The following CACNA2D1 variants were observed in gnomAD, a reference collection of about 807,000 sequenced individuals.
The protein encoded by CACNA2D1 is calcium voltage-gated channel auxiliary subunit alpha2delta 1.
Under a neutral mutation model 171.5 loss-of-function variants are expected in CACNA2D1, and 53 were observed. The observed-to-expected ratio is 0.31, with a 90% CI of 0.25 to 0.39. The LOEUF is 0.39. Ranked by LOEUF, CACNA2D1 falls within the 10% of genes least tolerant of loss-of-function variation. CACNA2D1 has a pLI of 1.00. For missense variants in CACNA2D1, 903 were observed against 1,299.8 expected (o/e 0.69, Z 4.69); for synonymous variants, 442 against 443.1 (o/e 1.00, Z 0.03).
chr7:82,249,626 T>C (rs1805385603), intron 3 of CACNA2D1, among the ~76,000 whole-genome samples: 1 of 152,222 alleles, frequency 6.6e-6, no homozygotes, highest in South Asian at 2.1e-4. Context: ...AATCATCCTT[T>C]TCATCCGTCC....
At chr7:82,140,503 T>A (rs574563781) in intron 4 of CACNA2D1, among the ~76,000 whole-genome samples, 1 of 152,296 alleles carries the variant, frequency 6.6e-6, no homozygotes, top group South Asian at 2.1e-4. Flanking sequence ...ATACAGGGCA[T>A]CAGGAGTTGG....
chr7:82,162,551 T>G (rs944031506), intron 4 of CACNA2D1, among the ~76,000 whole-genome samples: 3 of 151,860 alleles, frequency 2.0e-5, no homozygotes, highest in African/African-American at 7.3e-5. Context: ...TGTAAACAAA[T>G]CCAGTACAGA....
At chr7:82,184,390 C>T (rs1797456764) in intron 3 of CACNA2D1, among the ~76,000 whole-genome samples, 1 of 151,860 alleles carries the variant, frequency 6.6e-6, no homozygotes, top group South Asian at 2.1e-4. Context: ...AAAAAATATG[C>T]CACCTCTGTT....
chr7:82,317,557 AG>A (rs1026763412), intron 3 of CACNA2D1, among the ~76,000 whole-genome samples: 1 of 152,204 alleles, frequency 6.6e-6, no homozygotes, highest in African/African-American at 2.4e-5. Context: ...ACTAAAACCT[AG>A]TAACTTTCCT....
chr7:82,312,459 T>C (rs1411757393), intron 3 of CACNA2D1, among the ~76,000 whole-genome samples: 4 of 151,810 alleles, frequency 2.6e-5, no homozygotes, highest in African/African-American at 7.3e-5. Context: ...GCCACTTATA[T>C]ATAAACAGTC....
chr7:82,338,932 C>T (rs1167464555), intron 2 of CACNA2D1, among the ~76,000 whole-genome samples: 1 of 152,106 alleles, frequency 6.6e-6, no homozygotes, highest in Non-Finnish European at 1.5e-5. Flanking sequence ...AGCAGACACC[C>T]AGCTGAAGGA....
At chr7:82,143,284 T>G (rs1160331042) in intron 4 of CACNA2D1, among the ~76,000 whole-genome samples, 1 of 152,160 alleles carries the variant, frequency 6.6e-6, no homozygotes, top group Non-Finnish European at 1.5e-5. Context: ...ATTCATATTA[T>G]GTGACAAGAG....
chr7:82,388,134 C>T (rs1181827670), intron 1 of CACNA2D1, among the ~76,000 whole-genome samples: 3 of 151,434 alleles, frequency 2.0e-5, no homozygotes, highest in Admixed American at 2.0e-4. Context: ...ATCTCTTCAA[C>T]TCCAGATCTT....
At chr7:81,965,438 T>C (rs1332988204) in intron 32 of CACNA2D1, among the ~76,000 whole-genome samples, 156 bp downstream of exon 32, 1 of 151,956 alleles carries the variant, frequency 6.6e-6, no homozygotes, top group Non-Finnish European at 1.5e-5. Context: ...AGCATGCATT[T>C]CTTAATGGTT....
chr7:82,375,391 C>G (rs1822904687), intron 1 of CACNA2D1, among the ~76,000 whole-genome samples: 1 of 152,170 alleles, frequency 6.6e-6, no homozygotes, highest in Non-Finnish European at 1.5e-5. Context: ...ATCACCAAAT[C>G]CCTCCTGTTA....
At chr7:82,025,468 T>C (rs760288252) in intron 12 of CACNA2D1, among the ~76,000 whole-genome samples, 1 of 151,728 alleles carries the variant, frequency 6.6e-6, no homozygotes. Context: ...TGTTAGAGTA[T>C]AGAAACACAA....
chr7:82,046,703 C>T (rs1804595755), intron 10 of CACNA2D1, among the ~76,000 whole-genome samples: 1 of 152,004 alleles, frequency 6.6e-6, no homozygotes, highest in Non-Finnish European at 1.5e-5. Context: ...CTGTATATGT[C>T]TAAAAAATGG....
intron 7 of CACNA2D1, among the ~76,000 whole-genome samples, chr7:82,083,806 T>A (rs1467101787): frequency 6.6e-6 from 1 of 152,170 alleles, no homozygotes; most frequent in African/African-American, 2.4e-5. Flanking sequence ...TTCATTGCTA[T>A]AATATTACAA....
intron 5 of CACNA2D1, among the ~76,000 whole-genome samples, chr7:82,121,412 G>C (rs1245154016): frequency 6.6e-6 from 1 of 152,120 alleles, no homozygotes; most frequent in African/African-American, 2.4e-5. Context: ...AGACTCAACA[G>C]AATTGCAGGT....
chr7:82,266,252 G>A (rs1419248076), intron 3 of CACNA2D1, among the ~76,000 whole-genome samples: 1 of 152,170 alleles, frequency 6.6e-6, no homozygotes, highest in Admixed American at 6.5e-5. Context: ...AGATTGACAA[G>A]TGCAGGGTGC....
chr7:82,356,646 T>C (rs1207572243), intron 1 of CACNA2D1, among the ~76,000 whole-genome samples: 1 of 152,092 alleles, frequency 6.6e-6, no homozygotes, highest in Non-Finnish European at 1.5e-5. Flanking sequence ...TGAAATGCAA[T>C]TGCACTACCA....
Position 81,974,451 on chromosome 7 carries a change from T to C in CACNA2D1, c.2053+4A>G. ...GCAATCATTTTGAATTAATGCATAC[T>C]TACATGATGGGTTGTTTGGAGTTTT... On this transcript the variant is annotated splice_donor_region_variant and intron_variant, in intron 25 of 38. Transcript: ENST00000356860. The C allele has an allele frequency of 7.0e-7, 1 of 1,428,806 alleles. No homozygotes were observed. The highest frequency in any genetic ancestry group is 9.9e-7 in the Non-Finnish European group (1 of 1,013,402). 88.5% of individuals were successfully genotyped at this position (1,428,806 alleles called of 1,614,324 possible). A position where few individuals can be genotyped will look rare whatever the true frequency, so the allele number is the denominator to read the frequency against.
At position 82,098,171 on chromosome 7, in the gene CACNA2D1, CAGAT is replaced by C. The variant is rs554430428; in HGVS notation, c.527-13275_527-13272del. Among the ~76,000 whole-genome samples the C allele has an allele frequency of 4.5e-3, 687 of 152,130 alleles. 9 individuals carry two copies. Among genetic ancestry groups the C allele is most frequent in the Non-Finnish European group, 4.3e-3 (294 of 67,982 alleles). The stretch of plus-strand genomic sequence containing the variant: ...AAAAAATAAAGCAAGAAATAGGAAT[CAGAT>C]AGAAGTTGCTAAGAGGAAGCAATGT... On this transcript the variant is annotated intron_variant, in intron 6 of 38. Transcript: ENST00000356860.
At chr7:82,005,074 T>G (rs1798987919) in intron 18 of CACNA2D1, among the ~76,000 whole-genome samples, 1 of 152,090 alleles carries the variant, frequency 6.6e-6, no homozygotes, top group Non-Finnish European at 1.5e-5. Flanking sequence ...AAATAAACAT[T>G]ACTAATATTT....
Sources: gnomAD v4.1 joint callset for allele counts (sites outside exome capture counted in the v4.1 genomes callset) on GRCh38, gnomAD v4.1.1 for gene constraint, MANE v1.5 for transcripts, NCBI Gene and HGNC (gene_info 2026-07-23, HGNC 2026-07-21) for gene names.